CDC42BPB: variants seen among roughly 807,000 people sequenced by gnomAD.
The protein encoded by CDC42BPB is serine/threonine-protein kinase MRCK beta.
In CDC42BPB, 37 loss-of-function variants were observed where a neutral mutation model predicts 214.9. The observed-to-expected ratio is 0.17, with a 90% CI of 0.13 to 0.23. The LOEUF is 0.23. CDC42BPB is among the 10% of genes least tolerant of loss of function. The pLI is 1.00. For synonymous variants in CDC42BPB, 931 were observed against 884.0 expected (o/e 1.05, Z -0.94); for missense variants, 1,694 against 2,227.0 (o/e 0.76, Z 4.82).
chr14:102,942,255 A>G (rs1891927667), intron 30 of CDC42BPB, among the ~76,000 whole-genome samples: 1 of 152,262 alleles, frequency 6.6e-6, no homozygotes, highest in South Asian at 2.1e-4. Context: ...TGGTGTGGCC[A>G]TCGGGATGGA....
chr14:103,035,005 A>T (rs753435045), intron 1 of CDC42BPB, among the ~76,000 whole-genome samples: 1 of 152,174 alleles, frequency 6.6e-6, no homozygotes, highest in Non-Finnish European at 1.5e-5. Flanking sequence ...CTGAGGATCT[A>T]GCAGTATTCA....
At chr14:102,949,956 C>G in intron 25 of CDC42BPB, 52 bp from the exon 26 acceptor site, 2 of 1,605,368 alleles carry the variant, frequency 1.2e-6, no homozygotes, top group Non-Finnish European at 1.7e-6. Context: ...GGCAGGCCGC[C>G]AGGCCCCATT....
intron 1 of CDC42BPB, among the ~76,000 whole-genome samples, chr14:103,034,797 G>A (rs57427587): frequency 1.5e-4 from 22 of 144,864 alleles, no homozygotes; most frequent in Non-Finnish European, 2.4e-4. Flanking sequence ...CAGCCTGGGC[G>A]ACAGAGTGAG....
At chr14:103,051,165 G>GGGGGGGGGGGGGGGGGA (rs1888586907) in intron 1 of CDC42BPB, among the ~76,000 whole-genome samples, 2 of 58,760 alleles carry the variant, frequency 3.4e-5, no homozygotes, top group African/African-American at 1.3e-4. Context: ...GGGGGGGCGG[G>GGGGGGGGGGGGGGGGGA]AGATTACTAC....
intron 36 of CDC42BPB, among the ~76,000 whole-genome samples, chr14:102,934,465 C>T (rs927812095): frequency 2.6e-4 from 39 of 152,106 alleles, no homozygotes; most frequent in South Asian, 1.2e-3. Context: ...ACCCGGGAGG[C>T]GGAGCTTGCA....
At chr14:102,967,581 G>A (rs939632964) in intron 16 of CDC42BPB, among the ~76,000 whole-genome samples, 1 of 152,226 alleles carries the variant, frequency 6.6e-6, no homozygotes, top group African/African-American at 2.4e-5. Context: ...CGCACACCAG[G>A]CCCTGTGGTA....
chr14:103,030,604 G>T (rs1204923152), intron 1 of CDC42BPB, among the ~76,000 whole-genome samples: 1 of 152,212 alleles, frequency 6.6e-6, no homozygotes, highest in Non-Finnish European at 1.5e-5. Flanking sequence ...GCTGAGGCGG[G>T]AGGATCACTT....
chr14:102,935,752 T>C (rs1891622797), intron 36 of CDC42BPB, among the ~76,000 whole-genome samples: 1 of 141,580 alleles, frequency 7.1e-6, no homozygotes, highest in Admixed American at 7.2e-5. Flanking sequence ...ATCGTGCCAC[T>C]GCACTCTGTC....
At chr14:102,962,799 CCG>C (rs1893020987) in intron 20 of CDC42BPB, among the ~76,000 whole-genome samples, 1 of 152,038 alleles carries the variant, frequency 6.6e-6, no homozygotes, top group Non-Finnish European at 1.5e-5. Flanking sequence ...TTGCAGTGAG[CCG>C]AGATTGTGCC....
At position 103,004,093 on chromosome 14, in the gene CDC42BPB, G is replaced by A. The variant is rs1895122440; in HGVS notation, c.352-70C>T. On this transcript the variant is annotated intron_variant, in intron 3 of 36. Coordinates refer to ENST00000361246, the MANE Select transcript of CDC42BPB (RefSeq NM_006035.4). This position sits in a 1 kb window ranked among gnomAD's most constrained non-coding sequence, Gnocchi z 5.3. ...GGCCAGAGAGCGTACTGCCGGTCTC[G>A]GGGTCCCTCCTGGGACAGTGGCTCC... 9.4e-6 allele frequency: 14 copies of A among 1,493,452 alleles called. No individual in the cohort carries two copies. The highest frequency in any genetic ancestry group is 6.9e-5 in the African/African-American group (5 of 72,378). 92.5% of individuals were successfully genotyped at this position (1,493,452 alleles called of 1,614,324 possible). A position where few individuals can be genotyped will look rare whatever the true frequency, so the allele number is the denominator to read the frequency against.
Position 102,975,940 on chromosome 14 carries a change from C to T in CDC42BPB, c.1330G>A (p.Glu444Lys), listed in dbSNP as rs753158900. 12 of 1,614,226 alleles carry T rather than the reference C, an allele frequency of 7.4e-6. No individual in the cohort carries two copies. Among genetic ancestry groups the T allele is most frequent in the East Asian group, 2.2e-5 (1 of 44,876 alleles). Residue 444 changes from glutamate (E) to lysine (K), a missense_variant, in exon 10 of 37, where the codon GAG becomes AAG. Glu to Lys is a moderately conservative substitution (Grantham distance 56). Around this residue, in one of 7 missense-constraint regions of CDC42BPB, gnomAD observed 462 missense variants for 513.5 expected, o/e 0.90. Coordinates refer to ENST00000361246, the MANE Select transcript of CDC42BPB (RefSeq NM_006035.4). ...TGTTCCAGCCTCCGAATCCTCCTCT[C>T]GTAAGCTTCCATCTGCAGGCTGTGC... ...LEHSLQMEAY[E>K]RRIRRLEQEK...
chr14:103,040,356 A>G (rs1472097450), intron 1 of CDC42BPB, among the ~76,000 whole-genome samples: 1 of 152,002 alleles, frequency 6.6e-6, no homozygotes, highest in Non-Finnish European at 1.5e-5. Flanking sequence ...CTCCGTCTCA[A>G]AAAAAAAGTT....
At chr14:102,968,094 C>CAA (rs1218272395) in intron 16 of CDC42BPB, among the ~76,000 whole-genome samples, 159 bp downstream of exon 16, 1 of 133,496 alleles carries the variant, frequency 7.5e-6, no homozygotes, top group African/African-American at 2.7e-5. Context: ...GACTCCATCT[C>CAA]AAAAAAAAAA....
chr14:102,962,864 G>A (rs569434635), intron 20 of CDC42BPB, among the ~76,000 whole-genome samples, 197 bp downstream of exon 20: 1 of 152,212 alleles, frequency 6.6e-6, no homozygotes, highest in African/African-American at 2.4e-5. Flanking sequence ...AAAAAGGAAG[G>A]ATAAACCAAA....
At chr14:103,048,107 C>G (rs35309755) in intron 1 of CDC42BPB, among the ~76,000 whole-genome samples, 1 of 152,096 alleles carries the variant, frequency 6.6e-6, no homozygotes, top group Non-Finnish European at 1.5e-5. Context: ...GTAGCAGGCC[C>G]GCAGGACACC....
At chr14:102,970,888 C>T (rs1893443178) in intron 13 of CDC42BPB, among the ~76,000 whole-genome samples, 1 of 152,244 alleles carries the variant, frequency 6.6e-6, no homozygotes, top group Admixed American at 6.5e-5. Context: ...GAGCCCTGAA[C>T]TTGAAAGGAA....
At chr14:102,983,805 A>C (rs370248591) in intron 6 of CDC42BPB, 49 bp from the exon 7 acceptor site, 347 of 1,570,080 alleles carry the variant, frequency 2.2e-4, no homozygotes, top group Non-Finnish European at 2.9e-4. Flanking sequence ...ATCTCCAATC[A>C]CATATTTCCA....
In CDC42BPB at chr14:103,004,001, C is replaced by T; in HGVS notation, c.374G>A (p.Arg125His). 2 of 1,606,772 alleles carry T rather than the reference C, an allele frequency of 1.2e-6. No homozygotes were observed. Among genetic ancestry groups the T allele is most frequent in the Non-Finnish European group, 1.7e-6 (2 of 1,179,088 alleles). The change falls in exon 4 of 37, where the codon CGC becomes CAC. Residue 125 changes from arginine (R) to histidine (H), a missense_variant. Physicochemically the swap from Arg to His is conservative, Grantham distance 29 (BLOSUM62 0). Coordinates refer to ENST00000361246, the MANE Select transcript of CDC42BPB (RefSeq NM_006035.4). This position sits in a 1 kb window ranked among gnomAD's most constrained non-coding sequence, Gnocchi z 5.3. ...RAETACFREERDVLVNGDCQW... is the reference protein window; with the variant it reads ...RAETACFREEHDVLVNGDCQW... ...GCAGTCGCCGTTCACCAGCACATCG[C>T]GCTCCTCTCGGAAGCACGCGGTCTG...
At chr14:102,960,152 C>T (rs1892894300) in intron 20 of CDC42BPB, among the ~76,000 whole-genome samples, 2 of 152,008 alleles carry the variant, frequency 1.3e-5, no homozygotes, top group East Asian at 1.9e-4. Context: ...TTGTGGTAAG[C>T]CAAGATCATG....
Sources: gnomAD v4.1 joint callset for allele counts (sites outside exome capture counted in the v4.1 genomes callset) on GRCh38, gnomAD v4.1.1 for gene constraint, gnomAD v4.1.1 regional missense constraint, Gnocchi (gnomAD v3.1) non-coding constraint, MANE v1.5 for transcripts, NCBI Gene and HGNC (gene_info 2026-07-23, HGNC 2026-07-21) for gene names.